Variants in CLNK observed in about 807,000 individuals in gnomAD.
The protein encoded by CLNK is cytokine-dependent hematopoietic cell linker.
A neutral mutation model predicts 68.6 loss-of-function variants in CLNK; 74 were observed. The ratio of observed to expected loss-of-function variants is 1.08; its 90% confidence interval spans 0.89 to 1.31. The LOEUF (loss-of-function observed/expected upper bound fraction) is 1.31. Among genes scored for constraint, CLNK ranks in the 50% most tolerant of loss-of-function variants. The pLI is 0.00. For synonymous variants in CLNK, 198 were observed against 172.2 expected (o/e 1.15, Z -1.17); for missense variants, 553 against 515.3 (o/e 1.07, Z -0.71).
intron 15 of CLNK, among the ~76,000 whole-genome samples, chr4:10,515,672 C>A (rs1435469324): frequency 1.3e-5 from 2 of 152,190 alleles, no homozygotes; most frequent in African/African-American, 4.8e-5. Flanking sequence ...TTTGAGGAAT[C>A]TTGTATCTGC....
chr4:10,506,400 C>G (rs1717295948), intron 17 of CLNK, among the ~76,000 whole-genome samples: 1 of 152,162 alleles, frequency 6.6e-6, no homozygotes, highest in Admixed American at 6.5e-5. Context: ...TTTATCCACC[C>G]AAACCCGTCC....
chr4:10,497,032 A>C (rs1389302913), intron 18 of CLNK, among the ~76,000 whole-genome samples: 1 of 152,226 alleles, frequency 6.6e-6, no homozygotes, highest in Non-Finnish European at 1.5e-5. Flanking sequence ...GATGCCAAGA[A>C]TCTGGATACC....
At chr4:10,678,130 TC>T (rs749026429) in intron 1 of CLNK, among the ~76,000 whole-genome samples, 119 of 152,216 alleles carry the variant, frequency 7.8e-4, no homozygotes, top group Non-Finnish European at 1.4e-3. Context: ...TTTCTTTTTC[TC>T]TTCTTTTATT....
chr4:10,616,047 A>G (rs1364791157), intron 2 of CLNK, among the ~76,000 whole-genome samples: 1 of 152,262 alleles, frequency 6.6e-6, no homozygotes, highest in Non-Finnish European at 1.5e-5. Context: ...ATATAAAATT[A>G]TAATTGACAA....
intron 18 of CLNK, among the ~76,000 whole-genome samples, chr4:10,490,896 C>G (rs1716541287): frequency 6.6e-6 from 1 of 151,680 alleles, no homozygotes; most frequent in Non-Finnish European, 1.5e-5. Context: ...TCCCAAGTAG[C>G]TGGGATTACA....
intron 2 of CLNK, among the ~76,000 whole-genome samples, chr4:10,639,164 A>G (rs956345313): frequency 1.3e-5 from 2 of 152,230 alleles, no homozygotes; most frequent in South Asian, 4.1e-4. Context: ...TGGCCAATAC[A>G]GAAAGAGTCT....
the CLNK span, among the ~76,000 whole-genome samples, chr4:10,700,004 A>ATGTGTGTGTGTGTGTGTG: frequency 4.0e-4 from 58 of 145,190 alleles, no homozygotes; most frequent in Middle Eastern, 7.0e-3. Context: ...GTGTGTGCAT[A>ATGTGTGTGTGTGTGTGTG]TGTGTGTGTG....
chr4:10,564,273 A>T (rs151095806), intron 7 of CLNK, among the ~76,000 whole-genome samples: 1,840 of 152,182 alleles, frequency 0.012, 33 homozygotes, highest in African/African-American at 0.041. Flanking sequence ...GAGAGGTTTC[A>T]TGACTTACTT....
At chr4:10,542,738 C>G (rs992541953) in intron 8 of CLNK, among the ~76,000 whole-genome samples, 1 of 148,512 alleles carries the variant, frequency 6.7e-6, no homozygotes, top group Non-Finnish European at 1.5e-5. Flanking sequence ...GGGGTATTTC[C>G]AAGCAGAGGA....
intron 2 of CLNK, among the ~76,000 whole-genome samples, chr4:10,623,913 TAAG>T (rs1722557408): frequency 6.6e-6 from 1 of 152,206 alleles, no homozygotes; most frequent in African/African-American, 2.4e-5. Context: ...TGAAGAAAGA[TAAG>T]AAGTGTAGAC....
rs1244888530 is a variant in CLNK at position 10,501,426 on chromosome 4, G to A, written c.985-15C>T. 6.2e-6 allele frequency: 10 copies of A among 1,604,524 alleles called. No individual in the cohort carries two copies. The highest frequency in any genetic ancestry group is 1.3e-5 in the African/African-American group (1 of 74,400). On this transcript the variant is annotated splice_polypyrimidine_tract_variant and intron_variant, in intron 17 of 18. Transcript: ENST00000226951. ...AAACTACCATCCTGAAGCAAAAAGA[G>A]TAACAGTCATCTTTTCAGACACGCC...
rs1405955960 is a variant in CLNK, at chr4:10,571,876, A to C, written c.113-98T>G. 3 of 914,506 alleles carry C rather than the reference A, an allele frequency of 3.3e-6. No individual in the cohort carries two copies. In the South Asian group the frequency reaches 4.5e-5, roughly 14 times the overall value. 56.6% of individuals were successfully genotyped at this position (914,506 alleles called of 1,614,324 possible). On this transcript the variant is annotated intron_variant, in intron 4 of 18. Coordinates refer to ENST00000226951, the MANE Select transcript of CLNK (RefSeq NM_052964.4). ...TGTTTTTCTCCAGAAATCTTTTGTC[A>C]GTTTTAATTAACTTACCTTGATTGT...
At chr4:10,521,963 A>C (rs1325297129) in intron 14 of CLNK, among the ~76,000 whole-genome samples, 1 of 152,216 alleles carries the variant, frequency 6.6e-6, no homozygotes, top group Non-Finnish European at 1.5e-5. Context: ...CAAAATAATG[A>C]AAATGAAAAT....
At chr4:10,617,389 G>A (rs571531454) in intron 2 of CLNK, among the ~76,000 whole-genome samples, 1 of 152,212 alleles carries the variant, frequency 6.6e-6, no homozygotes, top group East Asian at 1.9e-4. Context: ...TTTGTTAATA[G>A]GATTGATGTG....
At chr4:10,550,363 C>A (rs1276714165) in intron 8 of CLNK, among the ~76,000 whole-genome samples, 1 of 151,760 alleles carries the variant, frequency 6.6e-6, no homozygotes, top group Non-Finnish European at 1.5e-5. Flanking sequence ...GGCGTGGTGG[C>A]GGGCGCCTGT....
At chr4:10,687,324 C>T (rs1725304940), upstream of CLNK, among the ~76,000 whole-genome samples, 1 of 152,026 alleles carries the variant, frequency 6.6e-6, no homozygotes, top group South Asian at 2.1e-4. Context: ...AAAGAGGGCT[C>T]TGAAACAAAT....
At chr4:10,691,335 A>G in the CLNK span, among the ~76,000 whole-genome samples, 1 of 152,142 alleles carries the variant, frequency 6.6e-6, no homozygotes, top group Non-Finnish European at 1.5e-5. Flanking sequence ...CCCACCTTGT[A>G]TCACCCAGCA....
intron 10 of CLNK, 116 bp from the exon 11 acceptor site, chr4:10,540,720 G>T: frequency 1.4e-6 from 1 of 695,776 alleles, no homozygotes; most frequent in Non-Finnish European, 2.5e-6. Flanking sequence ...GAAAATGCTA[G>T]TTTTTGGATG....
At chr4:10,585,904 G>T (rs563275281) in intron 3 of CLNK, among the ~76,000 whole-genome samples, 1 of 152,150 alleles carries the variant, frequency 6.6e-6, no homozygotes, top group Non-Finnish European at 1.5e-5. Flanking sequence ...AACCATTTTG[G>T]CATCAGGGAC....
Sources: gnomAD v4.1 joint callset for allele counts (sites outside exome capture counted in the v4.1 genomes callset) on GRCh38, gnomAD v4.1.1 for gene constraint, MANE v1.5 for transcripts, NCBI Gene and HGNC (gene_info 2026-07-23, HGNC 2026-07-21) for gene names.